Variants in TENT5C observed in about 807,000 individuals in gnomAD.
TENT5C encodes the protein terminal nucleotidyltransferase 5C.
Under a neutral mutation model 22.2 loss-of-function variants are expected in TENT5C, and 5 were observed. That is an observed-to-expected ratio of 0.22 (90% CI 0.12 to 0.47). TENT5C has a LOEUF of 0.47. Ranked by LOEUF, TENT5C falls within the 20% of genes least tolerant of loss-of-function variation. The pLI is 0.99. For synonymous variants in TENT5C, 199 were observed against 195.4 expected (o/e 1.02, Z -0.15); for missense variants, 364 against 500.9 (o/e 0.73, Z 2.61).
rs753546205 is a variant in TENT5C, at chr1:117,623,978, C to G, written c.1110C>G (p.Asn370Lys). 2.5e-6 allele frequency: 4 copies of G among 1,614,058 alleles called. No homozygotes were observed. Among genetic ancestry groups the G allele is most frequent in the Non-Finnish European group, 3.4e-6 (4 of 1,180,006 alleles). The change falls in exon 2 of 2, where the codon AAC becomes AAG. Residue 370 changes from asparagine (N) to lysine (K), a missense_variant. Around this residue, in one of 3 missense-constraint regions of TENT5C, gnomAD observed 54 missense variants for 76.5 expected, o/e 0.71. Coordinates refer to ENST00000369448, the MANE Select transcript of TENT5C (RefSeq NM_017709.4). ...ACGTCAGTGATGGCAACTTCAGCAACTACTACGTTGCCCATCCTCCAGTCA... is the reference window on the plus strand; with the variant it reads ...ACGTCAGTGATGGCAACTTCAGCAAGTACTACGTTGCCCATCCTCCAGTCA... ...APYVSDGNFS[N>K]YYVAHPPVTY... is the part of the protein sequence containing the mutation.
chr1:117,627,741 G>A lies in TENT5C; in HGVS notation c.*3697G>A, dbSNP rs550582658. ...CCAGTTAAAATCAGAGGACCAAGTC[G>A]TGGGGGAGGGGGGCGGTGTTGAGGA... is the stretch of plus-strand genomic sequence containing the variant. On this transcript the variant is annotated 3_prime_UTR_variant, in exon 2 of 2. Transcript: ENST00000369448. 1.5e-4 allele frequency: 38 copies of A among 247,994 alleles called. No homozygotes were observed. Among genetic ancestry groups the A allele is most frequent in the Middle Eastern group, 1.3e-3 (1 of 788 alleles). The allele number at this position is 247,994 out of a possible 1,614,324, so 15.4% of individuals were successfully genotyped here.
intron 1 of TENT5C, among the ~76,000 whole-genome samples, chr1:117,613,234 T>G (rs1226988314): frequency 6.6e-6 from 1 of 152,246 alleles, no homozygotes; most frequent in Non-Finnish European, 1.5e-5. Flanking sequence ...GCTGACACCT[T>G]GGAAAAAAAT....
rs1654050272 is a variant in TENT5C at position 117,628,054 on chromosome 1, G to C, written c.*4010G>C. ...GGAAGTAGCTAAATACAGATCTGTG[G>C]GTGTTTTTAAAAAAACTCAACCTAT... On this transcript the variant is annotated 3_prime_UTR_variant, in exon 2 of 2. Transcript: ENST00000369448. The C allele has an allele frequency of 4.0e-6, 1 of 247,616 alleles. No individual in the cohort carries two copies. The highest frequency in any genetic ancestry group is 8.5e-6 in the Non-Finnish European group (1 of 118,048). 15.3% of individuals were successfully genotyped at this position (247,616 alleles called of 1,614,324 possible). A position where few individuals can be genotyped will look rare whatever the true frequency, so the allele number is the denominator to read the frequency against.
At position 117,623,418 on chromosome 1, in the gene TENT5C, T is replaced by G. The variant is rs1379186922; in HGVS notation, c.550T>G (p.Phe184Val). 2 of 1,614,110 alleles carry G rather than the reference T, an allele frequency of 1.2e-6. No individual in the cohort carries two copies. The highest frequency in any genetic ancestry group is 1.7e-6 in the Non-Finnish European group (2 of 1,180,022). The change falls in exon 2 of 2, where the codon TTC becomes GTC. Residue 184 changes from phenylalanine to valine, a missense_variant. By Grantham distance (50) the Phe-to-Val change is conservative. Transcript: ENST00000369448. ...RRQFEFSVDSFQIILDSLLFF... is the reference protein window; with the variant it reads ...RRQFEFSVDSVQIILDSLLFF... ...TCAGTTTGAGTTCAGTGTGGACTCTTTCCAAATCATCCTGGATTCTTTGCT... is the reference window on the plus strand; with the variant it reads ...TCAGTTTGAGTTCAGTGTGGACTCTGTCCAAATCATCCTGGATTCTTTGCT...
In TENT5C at chr1:117,623,323, G is replaced by A; in HGVS notation, c.455G>A (p.Trp152Ter). The A allele has an allele frequency of 6.2e-7, 1 of 1,614,206 alleles. No homozygotes were observed. Reference protein sequence around the residue: ...LVKVCTDTDRWSLISLSNKNG... With the variant: ...LVKVCTDTDR ...AAGGTTTGCACGGACACTGACCGCT[G>A]GAGCCTGATCTCCCTCTCCAACAAG... Residue 152 changes from tryptophan (W) to a stop codon, truncating the protein, a stop_gained, in exon 2 of 2, where the codon TGG becomes TAG. Coordinates refer to ENST00000369448, the MANE Select transcript of TENT5C (RefSeq NM_017709.4). LOFTEE classifies it high-confidence loss of function.
chr1:117,623,467 A>G lies in TENT5C; in HGVS notation c.599A>G (p.Asn200Ser), dbSNP rs776457933. 1.9e-6 allele frequency: 3 copies of G among 1,613,870 alleles called. No individual in the cohort carries two copies. The highest frequency in any genetic ancestry group is 2.5e-6 in the Non-Finnish European group (3 of 1,180,006). ...CTTTTCTTCTATGACTGTTCCAATA[A>G]TCCCATCTCTGAGCACTTCCACCCC... ...SLLFFYDCSN[N>S]PISEHFHPTV... The change falls in exon 2 of 2, where the codon AAT (asparagine) becomes AGT (serine). Residue 200 changes from asparagine to serine, a missense_variant. By Grantham distance (46) the Asn-to-Ser change is conservative (BLOSUM62 1). Coordinates refer to ENST00000369448, the MANE Select transcript of TENT5C (RefSeq NM_017709.4).
Position 117,624,071 on chromosome 1 carries a change from G to T in TENT5C, c.*27G>T, listed in dbSNP as rs764948500. 1.3e-6 allele frequency: 2 copies of T among 1,581,116 alleles called. No individual in the cohort carries two copies. The highest frequency in any genetic ancestry group is 3.5e-5 in the Admixed American group (2 of 57,600). On this transcript the variant is annotated 3_prime_UTR_variant, in exon 2 of 2. Transcript: ENST00000369448. Reference sequence around the variant, plus strand: ...CTTGAGACCTGAGGGTTTCCACAGTGGGAACCCCAATAGGGCTAGGGCTCT... The same window carrying T: ...CTTGAGACCTGAGGGTTTCCACAGTTGGAACCCCAATAGGGCTAGGGCTCT...
intron 1 of TENT5C, among the ~76,000 whole-genome samples, chr1:117,615,279 C>G (rs1653756929): frequency 6.6e-6 from 1 of 152,228 alleles, no homozygotes; most frequent in South Asian, 2.1e-4. Context: ...CTTCTTCAAG[C>G]TCCCTGCCCC....
Position 117,622,823 on chromosome 1 carries a change from T to C in TENT5C, c.-27-19T>C. 1 of 1,559,112 alleles carries C rather than the reference T, an allele frequency of 6.4e-7. No homozygotes were observed. The highest frequency in any genetic ancestry group is 8.8e-7 in the Non-Finnish European group (1 of 1,137,214). ...TGTAGAAGTGAATCCTAACTCTGCTTCTCACCCCTCACTTTCAGTTTCCCC... is the reference window on the plus strand; with the variant it reads ...TGTAGAAGTGAATCCTAACTCTGCTCCTCACCCCTCACTTTCAGTTTCCCC... On this transcript the variant is annotated intron_variant, in intron 1 of 1. Coordinates refer to ENST00000369448, the MANE Select transcript of TENT5C (RefSeq NM_017709.4).
At position 117,626,955 on chromosome 1, in the gene TENT5C, T is replaced by G. The variant is rs1654027030; in HGVS notation, c.*2911T>G. 4.0e-6 allele frequency: 1 copy of G among 248,050 alleles called. No individual in the cohort carries two copies. The highest frequency in any genetic ancestry group is 2.2e-5 in the African/African-American group (1 of 45,348). 15.4% of individuals were successfully genotyped at this position (248,050 alleles called of 1,614,324 possible). On this transcript the variant is annotated 3_prime_UTR_variant, in exon 2 of 2. Coordinates refer to ENST00000369448, the MANE Select transcript of TENT5C (RefSeq NM_017709.4). ...GGCAGAATAGCACGCACTAGATGCC[T>G]GACCTTGAGCTCTAGTCTCCCCTTT...
chr1:117,621,183 CTG>C (rs1653887251), intron 1 of TENT5C, among the ~76,000 whole-genome samples: 1 of 152,166 alleles, frequency 6.6e-6, no homozygotes. Context: ...CACGAGTACT[CTG>C]TAGCGAGCAA....
Position 117,624,793 on chromosome 1 carries a change from A to G in TENT5C, c.*749A>G, listed in dbSNP as rs1292586217. ...AATAAAATGTGGAACATAATGTTTA[A>G]TTAGAATTGTGGTGGTGGTAGTGGA... is the stretch of plus-strand genomic sequence containing the variant. On this transcript the variant is annotated 3_prime_UTR_variant, in exon 2 of 2. Coordinates refer to ENST00000369448, the MANE Select transcript of TENT5C (RefSeq NM_017709.4). 2.0e-5 allele frequency: 5 copies of G among 247,940 alleles called. No individual in the cohort carries two copies. Among genetic ancestry groups the G allele is most frequent in the Non-Finnish European group, 4.2e-5 (5 of 118,124 alleles). The allele number at this position is 247,940 out of a possible 1,614,324, so 15.4% of individuals were successfully genotyped here.
intron 1 of TENT5C, among the ~76,000 whole-genome samples, chr1:117,614,197 C>G (rs938181215): frequency 3.6e-4 from 54 of 152,108 alleles, no homozygotes; most frequent in African/African-American, 1.2e-3. Context: ...TAGACTGCCT[C>G]CAAACCCTTC....
chr1:117,612,949 G>C (rs1367419874), intron 1 of TENT5C, among the ~76,000 whole-genome samples: 5 of 152,224 alleles, frequency 3.3e-5, no homozygotes, highest in African/African-American at 1.2e-4. Context: ...AGCAGCCTTT[G>C]ATGAAACCCG....
chr1:117,607,746 T>C (rs1445134080), intron 1 of TENT5C, among the ~76,000 whole-genome samples: 1 of 152,100 alleles, frequency 6.6e-6, no homozygotes, highest in East Asian at 1.9e-4. Flanking sequence ...AAGGGTATTA[T>C]TGAGGGTGTG....
Position 117,624,164 on chromosome 1 carries a change from CTTTTTT to C in TENT5C, c.*131_*136del. Reference sequence around the variant, plus strand: ...AAAGGGGAACTCAGCTCTGATTCTGCTTTTTTTTTTTTTTTTCCTTTGTGTACCCAT... The same window carrying C: ...AAAGGGGAACTCAGCTCTGATTCTGCTTTTTTTTTTCCTTTGTGTACCCAT... On this transcript the variant is annotated 3_prime_UTR_variant, in exon 2 of 2. Coordinates refer to ENST00000369448, the MANE Select transcript of TENT5C (RefSeq NM_017709.4). The C allele has an allele frequency of 3.2e-6, 2 of 628,470 alleles. No individual in the cohort carries two copies. The highest frequency in any genetic ancestry group is 2.1e-5 in the African/African-American group (1 of 47,742). 38.9% of individuals were successfully genotyped at this position (628,470 alleles called of 1,614,324 possible). A position where few individuals can be genotyped will look rare whatever the true frequency, so the allele number is the denominator to read the frequency against.
chr1:117,606,991 C>A (rs984203112), intron 1 of TENT5C, among the ~76,000 whole-genome samples: 1 of 152,180 alleles, frequency 6.6e-6, no homozygotes, highest in African/African-American at 2.4e-5. Flanking sequence ...CGGACGGATA[C>A]CGGTGCGGCT....
At position 117,623,480 on chromosome 1, in the gene TENT5C, G is replaced by A. The variant is rs151000766; in HGVS notation, c.612G>A (p.Glu204=). Residue 204 remains glutamate, a synonymous_variant, in exon 2 of 2, where the codon GAG becomes GAA. Transcript: ENST00000369448. ...ACTGTTCCAATAATCCCATCTCTGA[G>A]CACTTCCACCCCACCGTGATTGGGG... ...FYDCSNNPIS[E]HFHPTVIGES... 2 of 1,613,976 alleles carry A rather than the reference G, an allele frequency of 1.2e-6. No homozygotes were observed. Among genetic ancestry groups the A allele is most frequent in the East Asian group, 2.2e-5 (1 of 44,868 alleles).
chr1:117,625,388 T>C lies in TENT5C; in HGVS notation c.*1344T>C. ...CTGGTAGATTTGACTTGTTTATAAT[T>C]CTGCACTTTAGAAGAAAAACAGTGT... On this transcript the variant is annotated 3_prime_UTR_variant, in exon 2 of 2. Transcript: ENST00000369448. 1 of 248,200 alleles carries C rather than the reference T, an allele frequency of 4.0e-6. No individual in the cohort carries two copies. Among genetic ancestry groups the C allele is most frequent in the Non-Finnish European group, 8.5e-6 (1 of 118,136 alleles). The allele number at this position is 248,200 out of a possible 1,614,324, so 15.4% of individuals were successfully genotyped here.
Sources: allele counts gnomAD v4.1 joint callset (sites outside exome capture counted in the v4.1 genomes callset), GRCh38; gene constraint gnomAD v4.1.1; regional missense constraint gnomAD v4.1.1; transcripts MANE v1.5; gene names NCBI Gene and HGNC (gene_info 2026-07-23, HGNC 2026-07-21).